The following PRKCB variants were observed in gnomAD, a reference collection of about 807,000 sequenced individuals.
PRKCB encodes the protein protein kinase C beta type.
Under a neutral mutation model 81.5 loss-of-function variants are expected in PRKCB, and 13 were observed. That is an observed-to-expected ratio of 0.16 (90% confidence interval 0.10 to 0.25). PRKCB has a LOEUF of 0.25. Ranked by LOEUF, PRKCB falls within the 10% of genes least tolerant of loss-of-function variation. The pLI, the probability that PRKCB is intolerant of heterozygous loss-of-function variation, is 1.00. For missense variants in PRKCB, 509 were observed against 875.7 expected (o/e 0.58, Z 5.29); for synonymous variants, 335 against 321.4 (o/e 1.04, Z -0.45).
In PRKCB at chr16:24,217,587, A is replaced by G. The variant is rs1437170409; in HGVS notation, c.*2771A>G. 1.0e-6 allele frequency: 1 copy of G among 985,376 alleles called. No individual in the cohort carries two copies. The highest frequency in any genetic ancestry group is 1.2e-6 in the Non-Finnish European group (1 of 829,960). The allele number at this position is 985,376 out of a possible 1,614,324, so 61.0% of individuals were successfully genotyped here. Reference sequence around the variant, plus strand: ...GAGTATTTTCTCTGGGGATCTGCCCACAGGACAAAGTCCATAAAAGCAAGT... The same window carrying G: ...GAGTATTTTCTCTGGGGATCTGCCCGCAGGACAAAGTCCATAAAAGCAAGT... On this transcript the variant is annotated 3_prime_UTR_variant, in exon 17 of 17. Transcript: ENST00000643927.
At chr16:24,056,807 C>T (rs116315156) in intron 5 of PRKCB, among the ~76,000 whole-genome samples, 121 of 152,286 alleles carry the variant, frequency 7.9e-4, no homozygotes, top group African/African-American at 2.7e-3. Context: ...TCCTGGACAG[C>T]CTACAGAACC....
At position 24,220,048 on chromosome 16, in the gene PRKCB, A is replaced by T. The variant is rs1226609389; in HGVS notation, c.*5232A>T. On this transcript the variant is annotated 3_prime_UTR_variant, in exon 17 of 17. Coordinates refer to ENST00000643927, the MANE Select transcript of PRKCB (RefSeq NM_002738.7). The stretch of plus-strand genomic sequence containing the variant: ...CCCCACTGATAAACTCTTCATCATG[A>T]ACTTGGACCAAAATGAATTTGCTGG... 1 of 1,614,172 alleles carries T rather than the reference A, an allele frequency of 6.2e-7. No individual in the cohort carries two copies.
chr16:23,967,543 G>A (rs1226212654), intron 2 of PRKCB, among the ~76,000 whole-genome samples: 3 of 152,226 alleles, frequency 2.0e-5, no homozygotes, highest in East Asian at 1.9e-4. Flanking sequence ...TTGCTATCAG[G>A]AACAATTCCT....
At chr16:24,111,068 T>G (rs1966670415) in intron 7 of PRKCB, 1 of 152,212 alleles carries the variant, frequency 6.6e-6, no homozygotes, top group Non-Finnish European at 1.5e-5. Context: ...TTACTTTAAT[T>G]TGTAGGAATC....
intron 3 of PRKCB, among the ~76,000 whole-genome samples, chr16:24,010,747 A>G (rs981326078): frequency 2.0e-5 from 3 of 152,090 alleles, no homozygotes; most frequent in African/African-American, 7.2e-5. Flanking sequence ...TGGGAGGAAG[A>G]TTCATCATTT....
intron 9 of PRKCB, among the ~76,000 whole-genome samples, chr16:24,126,966 C>CACGTCTTTCT (rs1966845426): frequency 6.7e-6 from 1 of 149,230 alleles, no homozygotes; most frequent in African/African-American, 2.6e-5. Flanking sequence ...AGCCACCGCA[C>CACGTCTTTCT]CTGTCCTAAA....
intron 5 of PRKCB, among the ~76,000 whole-genome samples, chr16:24,056,433 C>G (rs888206235): frequency 6.6e-6 from 1 of 152,212 alleles, no homozygotes; most frequent in African/African-American, 2.4e-5. Flanking sequence ...CACTGGGTCT[C>G]CAGGCATGGG....
chr16:24,103,163 G>A (rs776651019), intron 7 of PRKCB, among the ~76,000 whole-genome samples: 16 of 152,300 alleles, frequency 1.1e-4, no homozygotes, highest in African/African-American at 2.9e-4. Flanking sequence ...GTGAACCACC[G>A]CACGTGGCCA....
At chr16:23,999,061 C>T (rs1964997098) in intron 3 of PRKCB, among the ~76,000 whole-genome samples, 1 of 152,252 alleles carries the variant, frequency 6.6e-6, no homozygotes, top group South Asian at 2.1e-4. Context: ...GGTCCAGACA[C>T]CTGAACTGGC....
intron 2 of PRKCB, among the ~76,000 whole-genome samples, chr16:23,854,211 A>G (rs2106375): frequency 1.3e-5 from 2 of 151,722 alleles, no homozygotes; most frequent in African/African-American, 4.8e-5. Context: ...CATCCCAAGC[A>G]GATCTCTTTG....
At chr16:23,980,070 G>C (rs903867065) in intron 2 of PRKCB, among the ~76,000 whole-genome samples, 6 of 152,220 alleles carry the variant, frequency 3.9e-5, no homozygotes, top group African/African-American at 1.4e-4. Flanking sequence ...GGGTGACAGA[G>C]CAAGACTTTG....
intron 2 of PRKCB, among the ~76,000 whole-genome samples, chr16:23,965,161 G>A (rs540330179): frequency 1.3e-5 from 2 of 152,176 alleles, no homozygotes; most frequent in African/African-American, 4.8e-5. Flanking sequence ...CCACCCTCAA[G>A]GAGGTCTCAG....
intron 5 of PRKCB, among the ~76,000 whole-genome samples, chr16:24,057,464 A>C (rs1965918253): frequency 6.6e-6 from 1 of 152,176 alleles, no homozygotes; most frequent in African/African-American, 2.4e-5. Flanking sequence ...TACCTCATTC[A>C]TTCATTCATT....
intron 4 of PRKCB, 23 bp from the exon 5 acceptor site, chr16:24,035,396 A>C: frequency 6.2e-7 from 1 of 1,611,362 alleles, no homozygotes; most frequent in African/African-American, 1.3e-5. Context: ...CCTAAGCCAC[A>C]TCCCCTCTCT....
intron 5 of PRKCB, among the ~76,000 whole-genome samples, chr16:24,043,625 G>A (rs1488114754): frequency 2.0e-5 from 3 of 152,144 alleles, no homozygotes; most frequent in Non-Finnish European, 2.9e-5. Flanking sequence ...TGGGATACTG[G>A]ACCTAAGGAG....
At chr16:23,952,569 G>A (rs1433937286) in intron 2 of PRKCB, among the ~76,000 whole-genome samples, 1 of 152,090 alleles carries the variant, frequency 6.6e-6, no homozygotes, top group African/African-American at 2.4e-5. Context: ...GCTCCCAGAG[G>A]CGCTCTTGTG....
intron 5 of PRKCB, among the ~76,000 whole-genome samples, chr16:24,036,058 C>G (rs142616923): frequency 1.3e-5 from 2 of 152,264 alleles, no homozygotes; most frequent in East Asian, 1.9e-4. Context: ...CAGGGGCTTT[C>G]CACATATTTG....
At chr16:23,952,601 T>C (rs1428171961) in intron 2 of PRKCB, among the ~76,000 whole-genome samples, 1 of 152,120 alleles carries the variant, frequency 6.6e-6, no homozygotes, top group Non-Finnish European at 1.5e-5. Context: ...CTGAAATCTC[T>C]TTATCTGTGG....
chr16:23,859,984 G>C (rs192372774), intron 2 of PRKCB, among the ~76,000 whole-genome samples: 156 of 152,206 alleles, frequency 1.0e-3, no homozygotes, highest in African/African-American at 3.6e-3. Context: ...ATGGGAAAAT[G>C]GGTGGGAAAT....
Sources: gnomAD v4.1 joint callset for allele counts (sites outside exome capture counted in the v4.1 genomes callset) on GRCh38, gnomAD v4.1.1 for gene constraint, MANE v1.5 for transcripts, NCBI Gene and HGNC (gene_info 2026-07-23, HGNC 2026-07-21) for gene names.